PACS1: variants seen among roughly 807,000 people sequenced by gnomAD.
PACS1 encodes phosphofurin acidic cluster sorting protein 1, also known as PACS-1.
In PACS1, 24 loss-of-function variants were observed where a neutral mutation model predicts 115.0. That is an observed-to-expected ratio of 0.21 (90% confidence interval 0.15 to 0.29). The LOEUF is 0.29. Ranked by LOEUF, PACS1 falls within the 10% of genes least tolerant of loss-of-function variation. The pLI is 1.00. For missense variants in PACS1, 838 were observed against 1,251.2 expected (o/e 0.67, Z 4.98); for synonymous variants, 453 against 504.5 (o/e 0.90, Z 1.37).
At chr11:66,110,883 T>C (rs182742961) in intron 1 of PACS1, among the ~76,000 whole-genome samples, 1 of 152,314 alleles carries the variant, frequency 6.6e-6, no homozygotes, top group East Asian at 1.9e-4. Context: ...TTTTACTCTT[T>C]ATACGTGTGT....
At chr11:66,219,572 G>A (rs1238267789) in intron 7 of PACS1, 174 bp from the exon 8 acceptor site, 1 of 705,914 alleles carries the variant, frequency 1.4e-6, no homozygotes, top group Non-Finnish European at 2.6e-6. Context: ...GAGCTACACT[G>A]GAATTTGGCC....
At chr11:66,148,793 G>A (rs1029795930) in intron 1 of PACS1, among the ~76,000 whole-genome samples, 2 of 152,098 alleles carry the variant, frequency 1.3e-5, no homozygotes, top group Non-Finnish European at 2.9e-5. Context: ...GGGCATGTTG[G>A]CGTGCATCTG....
At chr11:66,167,836 G>GT (rs1319661075) in intron 1 of PACS1, among the ~76,000 whole-genome samples, 1 of 149,928 alleles carries the variant, frequency 6.7e-6, no homozygotes, top group Non-Finnish European at 1.5e-5. Flanking sequence ...ACTCTATTCT[G>GT]TTTCATTGAT....
intron 1 of PACS1, among the ~76,000 whole-genome samples, chr11:66,156,167 A>C (rs1859348658): frequency 7.0e-6 from 1 of 142,974 alleles, no homozygotes; most frequent in African/African-American, 2.6e-5. Flanking sequence ...TATTGTCTGT[A>C]AATTATATCC....
intron 2 of PACS1, among the ~76,000 whole-genome samples, chr11:66,202,752 T>A (rs1232566464): frequency 0.48 from 13,593 of 28,062 alleles, 3,494 homozygotes; most frequent in South Asian, 0.6. Flanking sequence ...AATATATATA[T>A]ATATATATAT....
At chr11:66,211,388 C>A in intron 4 of PACS1, 129 bp downstream of exon 4, 1 of 862,950 alleles carries the variant, frequency 1.2e-6, no homozygotes, top group Non-Finnish European at 1.7e-6. Flanking sequence ...TTCTGTTTTA[C>A]GAGTTAATTA....
At position 66,211,145 on chromosome 11, in the gene PACS1, C is replaced by A; in HGVS notation, c.546C>A (p.Phe182Leu). The change falls in exon 4 of 24, where the codon TTC (phenylalanine) becomes TTA (leucine). Residue 182 changes from phenylalanine (F) to leucine (L), a missense_variant. This residue lies in a region of PACS1 where 223 missense variants were observed against 354.0 expected (regional missense o/e 0.63). Transcript: ENST00000320580. ...QLTFSLQYPH[F>L]LKRDANKLQI... Reference sequence around the variant, plus strand: ...TTTGTATTTCGTAGTACCCTCATTTCCTTAAGCGAGATGCCAACAAGCTGC... The same window carrying A: ...TTTGTATTTCGTAGTACCCTCATTTACTTAAGCGAGATGCCAACAAGCTGC... 1 of 1,613,710 alleles carries A rather than the reference C, an allele frequency of 6.2e-7. No homozygotes were observed. The highest frequency in any genetic ancestry group is 8.5e-7 in the Non-Finnish European group (1 of 1,179,680).
chr11:66,156,207 TATATATATATATA>T (rs1565127297), intron 1 of PACS1, among the ~76,000 whole-genome samples: 17 of 2,112 alleles, frequency 8.0e-3, no homozygotes, highest in African/African-American at 0.021. Context: ...TTTTAAATTA[TATATATATATATA>T]TATATATATA....
At chr11:66,179,198 TA>T (rs1859944753) in intron 1 of PACS1, among the ~76,000 whole-genome samples, 1 of 152,240 alleles carries the variant, frequency 6.6e-6, no homozygotes, top group Non-Finnish European at 1.5e-5. Context: ...ACCATCTTTT[TA>T]TATTTTATTG....
intron 1 of PACS1, among the ~76,000 whole-genome samples, chr11:66,131,015 G>A (rs1343810787): frequency 6.6e-6 from 1 of 152,154 alleles, no homozygotes; most frequent in Non-Finnish European, 1.5e-5. Context: ...AGGCTGCAGT[G>A]AGCCTTGATT....
chr11:66,129,747 T>G (rs149789873), intron 1 of PACS1, among the ~76,000 whole-genome samples: 2 of 152,246 alleles, frequency 1.3e-5, no homozygotes, highest in East Asian at 3.9e-4. Context: ...CAAGTTAACT[T>G]TATCGTTCAT....
At position 66,181,688 on chromosome 11, in the gene PACS1, G is replaced by C. The variant is rs1860015085; in HGVS notation, c.357-11798G>C. On this transcript the variant is annotated intron_variant, in intron 1 of 23. Transcript: ENST00000320580. ...CCTTAGATATAATATATTTTTGTTT[G>C]ATTAGTTCTTGCCCAAATTAGTTTT... Among the ~76,000 whole-genome samples the C allele has an allele frequency of 8.5e-5, 13 of 152,072 alleles. No homozygotes were observed. In the South Asian group the frequency reaches 2.7e-3, roughly 32 times the overall value.
intron 2 of PACS1, among the ~76,000 whole-genome samples, chr11:66,203,859 TTGAC>T (rs761679641): frequency 2.7e-4 from 34 of 126,492 alleles, no homozygotes; most frequent in Admixed American, 7.5e-4. Flanking sequence ...CAGATAAAAA[TTGAC>T]TGGAGACTTA....
intron 1 of PACS1, chr11:66,121,093 A>G: frequency 2.2e-6 from 1 of 456,076 alleles, no homozygotes; most frequent in Non-Finnish European, 4.4e-6. Flanking sequence ...CTGTTTTTCT[A>G]ATAGCATGTG....
chr11:66,101,187 T>A (rs1294127158), intron 1 of PACS1, among the ~76,000 whole-genome samples: 3 of 152,192 alleles, frequency 2.0e-5, no homozygotes, highest in Non-Finnish European at 1.5e-5. Flanking sequence ...TTTAATTCAT[T>A]TTTTTTAAAA....
At position 66,241,631 on chromosome 11, in the gene PACS1, C is replaced by A; in HGVS notation, c.2634C>A (p.Val878=). Residue 878 remains valine, a synonymous_variant, in exon 22 of 24, where the codon GTC becomes GTA. Transcript: ENST00000320580. ...QLSGTMAMTV[V]TKEKNKKVPT... ...CTGGCACCATGGCCATGACTGTGGT[C>A]ACCAAAGAAAAGAACAAGAAAGGTA... 1 of 1,613,848 alleles carries A rather than the reference C, an allele frequency of 6.2e-7. No homozygotes were observed. Among genetic ancestry groups the A allele is most frequent in the South Asian group, 1.1e-5 (1 of 91,002 alleles).
At position 66,243,360 on chromosome 11, in the gene PACS1, C is replaced by G. The variant is rs940451146; in HGVS notation, c.*80C>G. On this transcript the variant is annotated 3_prime_UTR_variant, in exon 24 of 24. Coordinates refer to ENST00000320580, the MANE Select transcript of PACS1 (RefSeq NM_018026.4). Reference sequence around the variant, plus strand: ...GCGGGCAGGGGGAGGCCAGCAGGCCCGGGCCCAGCACCCCTTCCCTGGCAC... The same window carrying G: ...GCGGGCAGGGGGAGGCCAGCAGGCCGGGGCCCAGCACCCCTTCCCTGGCAC... The G allele has an allele frequency of 3.6e-5, 34 of 937,212 alleles. No individual in the cohort carries two copies. Among genetic ancestry groups the G allele is most frequent in the Non-Finnish European group, 5.6e-5 (34 of 608,178 alleles). 58.1% of individuals were successfully genotyped at this position (937,212 alleles called of 1,614,324 possible).
chr11:66,077,237 A>G (rs1415340590), intron 1 of PACS1, among the ~76,000 whole-genome samples: 1 of 152,198 alleles, frequency 6.6e-6, no homozygotes, highest in Non-Finnish European at 1.5e-5. Context: ...CCAATGAAAC[A>G]CATCTAGAAA....
intron 1 of PACS1, among the ~76,000 whole-genome samples, chr11:66,163,337 T>C (rs1374116325): frequency 1.5e-5 from 2 of 133,796 alleles, no homozygotes; most frequent in African/African-American, 5.9e-5. Context: ...GGCGACAGAG[T>C]GAGACCCTGT....
Sources: gnomAD v4.1 joint callset for allele counts (sites outside exome capture counted in the v4.1 genomes callset) on GRCh38, gnomAD v4.1.1 for gene constraint, gnomAD v4.1.1 regional missense constraint, MANE v1.5 for transcripts, NCBI Gene and HGNC (gene_info 2026-07-23, HGNC 2026-07-21) for gene names.